The following PHLPP1 variants were observed in gnomAD, a reference collection of about 807,000 sequenced individuals.
The protein encoded by PHLPP1 is PH domain and leucine rich repeat protein phosphatase 1, also known as PH domain leucine-rich repeat-containing protein phosphatase 1.
In PHLPP1, 42 loss-of-function variants were observed where a neutral mutation model predicts 117.2. The observed-to-expected ratio is 0.36, with a 90% CI of 0.28 to 0.46. The LOEUF (loss-of-function observed/expected upper bound fraction) is 0.46. Ranked by LOEUF, PHLPP1 falls within the 20% of genes least tolerant of loss-of-function variation. The pLI is 1.00. For synonymous variants in PHLPP1, 1,042 were observed against 970.7 expected, an observed-to-expected ratio of 1.07 and a Z score of -1.37; for missense variants, 2,084 against 2,241.9, an observed-to-expected ratio of 0.93 and a Z score of 1.42.
At chr18:62,903,507 C>A (rs1047876328) in intron 7 of PHLPP1, among the ~76,000 whole-genome samples, 2 of 152,126 alleles carry the variant, frequency 1.3e-5, no homozygotes, top group African/African-American at 4.8e-5. Context: ...AAATCTGGAA[C>A]CTTTATTTAA....
intron 10 of PHLPP1, among the ~76,000 whole-genome samples, chr18:62,920,845 G>A (rs751806166): frequency 6.6e-6 from 1 of 152,192 alleles, no homozygotes; most frequent in African/African-American, 2.4e-5. Flanking sequence ...ATAGGTATGA[G>A]CCACCACGCC....
intron 2 of PHLPP1, chr18:62,838,535 T>C: frequency 2.6e-6 from 1 of 380,562 alleles, no homozygotes. Flanking sequence ...TCTGGACTAA[T>C]TTTAAACAGA....
At chr18:62,947,448 G>C (rs888594745) in intron 12 of PHLPP1, among the ~76,000 whole-genome samples, 1 of 152,154 alleles carries the variant, frequency 6.6e-6, no homozygotes, top group African/African-American at 2.4e-5. Flanking sequence ...TTTATTTGCC[G>C]TTCAGCACAG....
chr18:62,844,645 A>G lies in PHLPP1; in HGVS notation c.1899+5736A>G, dbSNP rs569732509. 2.6e-5 allele frequency among the ~76,000 whole-genome samples: 4 copies of G among 152,296 alleles called. No individual in the cohort carries two copies. In the South Asian group the frequency reaches 8.3e-4, roughly 32 times the overall value. ...TTTTCACATGTGTGTATAACTCTAG[A>G]AGATGAGGACTCTTCTTACAATTAC... On this transcript the variant is annotated intron_variant, in intron 3 of 16. Coordinates refer to ENST00000262719, the MANE Select transcript of PHLPP1 (RefSeq NM_194449.4).
intron 13 of PHLPP1, among the ~76,000 whole-genome samples, chr18:62,962,284 T>TTTATGTTATGTTATG (rs568386796): frequency 0.016 from 2,465 of 152,146 alleles, 68 homozygotes; most frequent in African/African-American, 0.056. Context: ...TTTATGTTCT[T>TTTATGTTATGTTATG]TTATGTTATG....
At chr18:62,777,570 T>A (rs1345457206) in intron 1 of PHLPP1, among the ~76,000 whole-genome samples, 1 of 151,638 alleles carries the variant, frequency 6.6e-6, no homozygotes, top group Admixed American at 6.6e-5. Flanking sequence ...GAAGTTAAAA[T>A]TTTTTTAAAG....
At chr18:62,874,712 C>G (rs1916004747) in intron 4 of PHLPP1, among the ~76,000 whole-genome samples, 1 of 152,086 alleles carries the variant, frequency 6.6e-6, no homozygotes, top group East Asian at 1.9e-4. Context: ...CTGTCTCTCT[C>G]TGTCTCTCTC....
chr18:62,826,690 G>C (rs1164793441), intron 1 of PHLPP1, among the ~76,000 whole-genome samples: 2 of 152,082 alleles, frequency 1.3e-5, no homozygotes, highest in Non-Finnish European at 2.9e-5. Flanking sequence ...TGGGAGAGGA[G>C]CCTTGAGTAT....
At chr18:62,966,772 CTGCAAGTTT>C in intron 14 of PHLPP1, among the ~76,000 whole-genome samples, 1 of 152,248 alleles carries the variant, frequency 6.6e-6, no homozygotes, top group African/African-American at 2.4e-5. Flanking sequence ...CCCGGCAGTT[CTGCAAGTTT>C]TGGTAAAAGA....
At chr18:62,734,109 A>G (rs1044179683) in intron 1 of PHLPP1, among the ~76,000 whole-genome samples, 1 of 152,192 alleles carries the variant, frequency 6.6e-6, no homozygotes, top group African/African-American at 2.4e-5. Context: ...ACTGAGGGAC[A>G]TTCTTGTATT....
At chr18:62,902,420 A>G (rs1916747403) in intron 6 of PHLPP1, among the ~76,000 whole-genome samples, 1 of 152,142 alleles carries the variant, frequency 6.6e-6, no homozygotes, top group South Asian at 2.1e-4. Context: ...GCTCCCATTC[A>G]GTGTGCAACT....
At chr18:62,818,760 T>C (rs561473286) in intron 1 of PHLPP1, among the ~76,000 whole-genome samples, 7 of 152,322 alleles carry the variant, frequency 4.6e-5, no homozygotes, top group Admixed American at 3.3e-4. Context: ...TGTGCTGTTT[T>C]AGTAAAGATA....
chr18:62,954,538 C>T (rs1187811211), intron 12 of PHLPP1, among the ~76,000 whole-genome samples: 1 of 152,158 alleles, frequency 6.6e-6, no homozygotes, highest in Non-Finnish European at 1.5e-5. Context: ...TGACAGAGTG[C>T]TTCTAAGCGT....
rs187711922 is a variant in PHLPP1 at position 62,804,856 on chromosome 18, A to G, written c.1577-25179A>G. ...ATACATATACAGTATAATATACACTATATATTATACATATACAGTATAATA... is the reference window on the plus strand; with the variant it reads ...ATACATATACAGTATAATATACACTGTATATTATACATATACAGTATAATA... On this transcript the variant is annotated intron_variant, in intron 1 of 16. Coordinates refer to ENST00000262719, the MANE Select transcript of PHLPP1 (RefSeq NM_194449.4). Among the ~76,000 whole-genome samples the G allele has an allele frequency of 9.0e-4, 134 of 148,126 alleles. No individual in the cohort carries two copies. The East Asian group carries it at 0.018, about 19-fold the overall frequency.
At chr18:62,854,144 C>T (rs574191286) in intron 3 of PHLPP1, among the ~76,000 whole-genome samples, 200 of 152,272 alleles carry the variant, frequency 1.3e-3, no homozygotes, top group African/African-American at 4.7e-3. Context: ...GTGGACCTCA[C>T]CTTTGTGCCT....
At chr18:62,938,797 A>G (rs960256274) in intron 10 of PHLPP1, among the ~76,000 whole-genome samples, 15 of 152,334 alleles carry the variant, frequency 9.8e-5, no homozygotes, top group Middle Eastern at 6.8e-3. Flanking sequence ...TTCAGATGCC[A>G]TGAGGGGTTT....
chr18:62,860,873 T>G (rs1054251857), intron 4 of PHLPP1, among the ~76,000 whole-genome samples: 10 of 152,238 alleles, frequency 6.6e-5, no homozygotes, highest in Non-Finnish European at 1.3e-4. Context: ...CAACTTTTAT[T>G]CCTATCTAAA....
intron 1 of PHLPP1, among the ~76,000 whole-genome samples, chr18:62,728,849 A>G (rs1454565491): frequency 1.3e-5 from 2 of 151,816 alleles, no homozygotes; most frequent in Non-Finnish European, 2.9e-5. Context: ...TAACATGCCT[A>G]TTGAAATTAG....
intron 4 of PHLPP1, among the ~76,000 whole-genome samples, chr18:62,864,413 A>G (rs1915717540): frequency 6.6e-6 from 1 of 151,958 alleles, no homozygotes; most frequent in African/African-American, 2.4e-5. Flanking sequence ...GAATAGGGAC[A>G]ATGATATTCC....
Sources: allele counts gnomAD v4.1 joint callset (sites outside exome capture counted in the v4.1 genomes callset), GRCh38; gene constraint gnomAD v4.1.1; transcripts MANE v1.5; gene names NCBI Gene and HGNC (gene_info 2026-07-23, HGNC 2026-07-21).